The following COL8A1 variants were observed in gnomAD, a reference collection of about 807,000 sequenced individuals.
COL8A1 encodes the protein collagen alpha-1(VIII) chain.
COL8A1 carries 21 observed loss-of-function variants against 42.7 expected under a neutral mutation model. That is an observed-to-expected ratio of 0.49 (90% CI 0.35 to 0.71). The LOEUF (loss-of-function observed/expected upper bound fraction) is 0.71. Ranked by LOEUF, COL8A1 falls within the 30% of genes least tolerant of loss-of-function variation. The probability of loss-of-function intolerance (pLI) is 0.01; values close to 1 mark genes in which losing one functional copy is unlikely to be tolerated. For synonymous variants in COL8A1, 367 were observed against 369.1 expected (o/e 0.99, Z 0.06); for missense variants, 788 against 962.4 (o/e 0.82, Z 2.40).
At chr3:99,675,824 G>A (rs921575386) in intron 1 of COL8A1, 2 of 152,372 alleles carry the variant, frequency 1.3e-5, no homozygotes, top group African/African-American at 4.8e-5. Flanking sequence ...CCCCTCTAAG[G>A]CTGAATAAAT....
intron 1 of COL8A1, among the ~76,000 whole-genome samples, chr3:99,735,230 G>A (rs1340442338): frequency 7.1e-6 from 1 of 141,348 alleles, no homozygotes; most frequent in East Asian, 2.1e-4. Flanking sequence ...TCTTGTGCCA[G>A]TTTTCAAAGG....
intron 1 of COL8A1, among the ~76,000 whole-genome samples, chr3:99,734,146 T>G (rs1940621583): frequency 6.6e-6 from 1 of 151,242 alleles, no homozygotes; most frequent in Admixed American, 6.6e-5. Flanking sequence ...AGAAGCTCTT[T>G]AGTTTAATTA....
chr3:99,798,651 CGT>C lies in COL8A1; in HGVS notation c.*2522_*2523del, dbSNP rs201010578. The C allele has an allele frequency of 4.6e-5, 7 of 151,780 alleles. No homozygotes were observed. Among genetic ancestry groups the C allele is most frequent in the African/African-American group, 9.7e-5 (4 of 41,306 alleles). The allele number at this position is 151,780 out of a possible 1,614,324, so 9.4% of individuals were successfully genotyped here. A position where few individuals can be genotyped will look rare whatever the true frequency, so the allele number is the denominator to read the frequency against. ...GTGTGTGTGTGTGCGCGTGAGCGCACGTGTGTGTATGCGTGCGCATGTGTGTG... is the reference window on the plus strand; with the variant it reads ...GTGTGTGTGTGTGCGCGTGAGCGCACGTGTGTATGCGTGCGCATGTGTGTG... On this transcript the variant is annotated 3_prime_UTR_variant, in exon 4 of 4. Coordinates refer to ENST00000652472, the MANE Select transcript of COL8A1 (RefSeq NM_020351.4).
At chr3:99,675,007 T>C (rs1205909260) in intron 1 of COL8A1, among the ~76,000 whole-genome samples, 1 of 152,044 alleles carries the variant, frequency 6.6e-6, no homozygotes, top group Non-Finnish European at 1.5e-5. Context: ...ACCTCTGCAG[T>C]TCCTTCCAAC....
intron 2 of COL8A1, among the ~76,000 whole-genome samples, chr3:99,745,830 T>TG (rs1337887640): frequency 7.6e-6 from 1 of 131,796 alleles, no homozygotes; most frequent in African/African-American, 3.0e-5. Flanking sequence ...CAAACCTTGA[T>TG]GGAAAAAAAA....
intron 1 of COL8A1, among the ~76,000 whole-genome samples, chr3:99,652,394 A>G (rs1937873884): frequency 6.6e-6 from 1 of 152,144 alleles, no homozygotes; most frequent in South Asian, 2.1e-4. Flanking sequence ...TTTGGTAGGG[A>G]GGGGTTTTAT....
At chr3:99,707,506 G>T (rs949422008) in intron 1 of COL8A1, among the ~76,000 whole-genome samples, 2 of 152,178 alleles carry the variant, frequency 1.3e-5, no homozygotes, top group African/African-American at 4.8e-5. Context: ...TCCCGAGGGA[G>T]TGCAGGTGTT....
chr3:99,730,389 A>G (rs1428584870), intron 1 of COL8A1, among the ~76,000 whole-genome samples: 2 of 152,112 alleles, frequency 1.3e-5, no homozygotes, highest in Non-Finnish European at 2.9e-5. Context: ...AGAGAATACT[A>G]TATATTTTTT....
At chr3:99,733,909 G>A (rs1940611440) in intron 1 of COL8A1, among the ~76,000 whole-genome samples, 1 of 152,114 alleles carries the variant, frequency 6.6e-6, no homozygotes, top group African/African-American at 2.4e-5. Flanking sequence ...GTGATGATGA[G>A]CATTTTCTCA....
At chr3:99,653,973 G>A (rs1440474790) in intron 1 of COL8A1, among the ~76,000 whole-genome samples, 1 of 152,112 alleles carries the variant, frequency 6.6e-6, no homozygotes, top group African/African-American at 2.4e-5. Context: ...GGGGAGCAAG[G>A]AAGCCAGTCC....
At chr3:99,702,860 A>G (rs1939580322) in intron 1 of COL8A1, among the ~76,000 whole-genome samples, 2 of 152,154 alleles carry the variant, frequency 1.3e-5, no homozygotes, top group African/African-American at 4.8e-5. Context: ...TGTTAGGTGG[A>G]GTTGCTTTTT....
chr3:99,700,526 G>A (rs1312001493), intron 1 of COL8A1, among the ~76,000 whole-genome samples: 1 of 152,126 alleles, frequency 6.6e-6, no homozygotes, highest in Admixed American at 6.5e-5. Context: ...ACTGTGAGAG[G>A]AGAGAAGTCT....
intron 1 of COL8A1, among the ~76,000 whole-genome samples, chr3:99,695,893 G>A (rs1939352495): frequency 6.6e-6 from 1 of 152,206 alleles, no homozygotes; most frequent in Admixed American, 6.5e-5. Flanking sequence ...CAGCAAGCTG[G>A]GAGGCTGAGG....
chr3:99,689,691 A>T (rs1939161420), intron 1 of COL8A1, among the ~76,000 whole-genome samples: 1 of 152,222 alleles, frequency 6.6e-6, no homozygotes, highest in Non-Finnish European at 1.5e-5. Flanking sequence ...ATTATTTAAC[A>T]TTCATCCATG....
At chr3:99,793,264 T>C (rs1942036392) in intron 3 of COL8A1, among the ~76,000 whole-genome samples, 1 of 152,182 alleles carries the variant, frequency 6.6e-6, no homozygotes, top group South Asian at 2.1e-4. Flanking sequence ...TCAAAATCAC[T>C]GAAAGAGTAA....
At chr3:99,656,832 A>G (rs1206498857) in intron 1 of COL8A1, among the ~76,000 whole-genome samples, 1 of 152,258 alleles carries the variant, frequency 6.6e-6, no homozygotes, top group Non-Finnish European at 1.5e-5. Context: ...GTGGAAAAAT[A>G]TCTTTAGCAG....
intron 1 of COL8A1, among the ~76,000 whole-genome samples, chr3:99,661,031 C>A (rs953584534): frequency 2.0e-5 from 3 of 152,052 alleles, no homozygotes; most frequent in African/African-American, 7.2e-5. Context: ...GGGTGTTAGA[C>A]GGTGAATTAG....
intron 1 of COL8A1, among the ~76,000 whole-genome samples, chr3:99,704,230 A>G (rs1576439325): frequency 1.3e-5 from 2 of 152,172 alleles, no homozygotes; most frequent in Non-Finnish European, 2.9e-5. Context: ...AAGATTGTCT[A>G]AAAATTGAAT....
intron 1 of COL8A1, among the ~76,000 whole-genome samples, chr3:99,664,249 A>C (rs987812583): frequency 3.3e-5 from 5 of 152,196 alleles, no homozygotes; most frequent in Non-Finnish European, 7.3e-5. Context: ...TGTTTCCCCA[A>C]GGCCTGGAGC....
Sources: gnomAD v4.1 joint callset for allele counts (sites outside exome capture counted in the v4.1 genomes callset) on GRCh38, gnomAD v4.1.1 for gene constraint, MANE v1.5 for transcripts, NCBI Gene and HGNC (gene_info 2026-07-23, HGNC 2026-07-21) for gene names.